TRIO: variants seen among roughly 807,000 people sequenced by gnomAD.
The protein encoded by TRIO is triple functional domain protein.
In TRIO, 58 loss-of-function variants were observed where a neutral mutation model predicts 351.9. The ratio of observed to expected loss-of-function variants is 0.16; its 90% CI spans 0.13 to 0.21. The LOEUF is 0.21. Ranked by LOEUF, TRIO falls within the 10% of genes least tolerant of loss-of-function variation. The pLI, the probability that TRIO is intolerant of heterozygous loss-of-function variation, is 1.00. For synonymous variants in TRIO, 1,758 were observed against 1,595.7 expected (o/e 1.10, Z -2.42); for missense variants, 3,201 against 4,027.8 (o/e 0.79, Z 5.56).
intron 8 of TRIO, among the ~76,000 whole-genome samples, chr5:14,312,069 G>A (rs1258845634): frequency 2.0e-5 from 3 of 152,166 alleles, no homozygotes; most frequent in Non-Finnish European, 2.9e-5. Context: ...TCAGAGCCAC[G>A]TTCATCCCTT....
At chr5:14,244,288 A>G (rs896600732) in intron 1 of TRIO, among the ~76,000 whole-genome samples, 9 of 152,200 alleles carry the variant, frequency 5.9e-5, no homozygotes, top group Admixed American at 1.3e-4. Context: ...TTCCTGTTTA[A>G]TTTATGATAT....
intron 11 of TRIO, among the ~76,000 whole-genome samples, chr5:14,337,000 A>G (rs1271318274): frequency 2.0e-5 from 3 of 152,178 alleles, no homozygotes; most frequent in Admixed American, 6.5e-5. Context: ...GTCCATTTCT[A>G]TAAGTAGGGG....
intron 44 of TRIO, 128 bp from the exon 45 acceptor site, chr5:14,481,413 C>A: frequency 6.8e-7 from 1 of 1,470,262 alleles, no homozygotes; most frequent in Non-Finnish European, 9.4e-7. Context: ...CTCTCCAGTG[C>A]ATCTCCATAA....
intron 53 of TRIO, among the ~76,000 whole-genome samples, chr5:14,499,469 A>G (rs1201669912): frequency 6.6e-6 from 1 of 152,240 alleles, no homozygotes; most frequent in Non-Finnish European, 1.5e-5. Flanking sequence ...CAGAGGACAA[A>G]TAAAACTCCA....
At chr5:14,381,623 G>A (rs1223000601) in intron 21 of TRIO, among the ~76,000 whole-genome samples, 1 of 152,112 alleles carries the variant, frequency 6.6e-6, no homozygotes, top group African/African-American at 2.4e-5. Context: ...TGTATTCTTG[G>A]GGTGTTTTCT....
intron 8 of TRIO, among the ~76,000 whole-genome samples, chr5:14,312,650 T>G (rs951051916): frequency 6.6e-6 from 1 of 152,360 alleles, no homozygotes; most frequent in African/African-American, 2.4e-5. Context: ...GCCTGGAAGC[T>G]GAAAACAGAG....
chr5:14,462,762 G>A lies in TRIO; in HGVS notation c.5504G>A (p.Arg1835Gln), dbSNP rs1431858701. ...PQDETVEERG[R>Q]NEGLSSGTLS... is the part of the protein sequence containing the mutation. ...ATCTTGACTGGATTTCAGAGAGGCCGGAACGAGGGCCTGAGCAGCGGTACT... is the reference window on the plus strand; with the variant it reads ...ATCTTGACTGGATTTCAGAGAGGCCAGAACGAGGGCCTGAGCAGCGGTACT... Residue 1835 changes from arginine to glutamine, a missense_variant, in exon 36 of 57, where the codon CGG (arginine) becomes CAG (glutamine). Transcript: ENST00000344204. The A allele has an allele frequency of 4.3e-6, 7 of 1,614,134 alleles. No homozygotes were observed. Among genetic ancestry groups the A allele is most frequent in the East Asian group, 2.2e-5 (1 of 44,864 alleles).
At chr5:14,319,309 A>G (rs1739662196) in intron 9 of TRIO, among the ~76,000 whole-genome samples, 1 of 152,206 alleles carries the variant, frequency 6.6e-6, no homozygotes, top group Non-Finnish European at 1.5e-5. Flanking sequence ...TGAACAGGAA[A>G]TTGCTCTGTA....
At chr5:14,176,187 T>G (rs904196952) in intron 1 of TRIO, among the ~76,000 whole-genome samples, 4 of 151,786 alleles carry the variant, frequency 2.6e-5, no homozygotes, top group African/African-American at 9.7e-5. Flanking sequence ...AAAGACAGAG[T>G]CAGGCTGGGC....
chr5:14,498,677 T>G, intron 53 of TRIO, 37 bp downstream of exon 53: 1 of 1,600,056 alleles, frequency 6.2e-7, no homozygotes, highest in Non-Finnish European at 8.6e-7. Flanking sequence ...CGTGACCCAG[T>G]GGGGCACGTC....
intron 27 of TRIO, among the ~76,000 whole-genome samples, chr5:14,392,411 TAAA>T (rs1018338916): frequency 6.6e-6 from 1 of 152,176 alleles, no homozygotes; most frequent in African/African-American, 2.4e-5. Context: ...TGGCGATCAT[TAAA>T]AAGTCAGGAA....
chr5:14,489,569 G>A (rs1042628478), intron 48 of TRIO, among the ~76,000 whole-genome samples: 29 of 152,158 alleles, frequency 1.9e-4, no homozygotes, highest in Non-Finnish European at 2.5e-4. Context: ...TGTGACCCTC[G>A]CTGAATCTGC....
rs1360850805 is a variant in TRIO at position 14,368,754 on chromosome 5, T to C, written c.2921T>C (p.Met974Thr). 4 of 1,614,084 alleles carry C rather than the reference T, an allele frequency of 2.5e-6. No individual in the cohort carries two copies. The highest frequency in any genetic ancestry group is 3.4e-6 in the Non-Finnish European group (4 of 1,179,998). The change falls in exon 17 of 57, where the codon ATG (methionine) becomes ACG (threonine). Residue 974 changes from methionine to threonine, a missense_variant. By Grantham distance (81) the Met-to-Thr change is moderately conservative. Coordinates refer to ENST00000344204, the MANE Select transcript of TRIO (RefSeq NM_007118.4). Reference protein sequence around the residue: ...ALQVQQKAEAMLQANHYDMDM... With the variant: ...ALQVQQKAEATLQANHYDMDM... ...CAGGTGCAGCAGAAGGCAGAAGCCA[T>C]GCTACAGGCCAACCACTACGACATG...
intron 34 of TRIO, among the ~76,000 whole-genome samples, chr5:14,442,340 T>C (rs1412460585): frequency 6.6e-6 from 1 of 151,856 alleles, no homozygotes; most frequent in African/African-American, 2.4e-5. Context: ...AAGAGCTCTA[T>C]GGAGAAGGGT....
intron 15 of TRIO, among the ~76,000 whole-genome samples, chr5:14,365,067 A>C (rs1162601262): frequency 2.6e-5 from 4 of 152,236 alleles, no homozygotes; most frequent in African/African-American, 9.6e-5. Context: ...CAGCACTTGA[A>C]GGTAACAGCC....
chr5:14,306,510 C>G (rs529769663), intron 8 of TRIO, among the ~76,000 whole-genome samples: 4 of 152,116 alleles, frequency 2.6e-5, no homozygotes, highest in Non-Finnish European at 5.9e-5. Context: ...AGCAAATGAC[C>G]CTGTTACTCA....
intron 4 of TRIO, among the ~76,000 whole-genome samples, chr5:14,289,766 T>A (rs1736751875): frequency 6.6e-6 from 1 of 151,994 alleles, no homozygotes. Context: ...AGGAGATCAC[T>A]TGAACCTGGG....
intron 1 of TRIO, among the ~76,000 whole-genome samples, chr5:14,207,559 G>GACACAC (rs1554033526): frequency 2.1e-5 from 2 of 94,532 alleles, no homozygotes; most frequent in East Asian, 3.6e-4. Context: ...CACACACACG[G>GACACAC]AGCCAGGTGT....
intron 1 of TRIO, among the ~76,000 whole-genome samples, chr5:14,264,559 A>AT (rs966918925): frequency 0.011 from 1,624 of 147,090 alleles, 31 homozygotes; most frequent in African/African-American, 0.037. Context: ...TTATGTTTTG[A>AT]TTTTTTTTTT....
Sources: gnomAD v4.1 joint callset for allele counts (sites outside exome capture counted in the v4.1 genomes callset) on GRCh38, gnomAD v4.1.1 for gene constraint, MANE v1.5 for transcripts, NCBI Gene and HGNC (gene_info 2026-07-23, HGNC 2026-07-21) for gene names.